ZFHX3: variants seen among roughly 807,000 people sequenced by gnomAD.
ZFHX3 encodes zinc finger homeobox protein 3.
In ZFHX3, 42 loss-of-function variants were observed where a neutral mutation model predicts 279.1. The observed-to-expected ratio is 0.15, with a 90% CI of 0.12 to 0.19. The LOEUF is 0.19. ZFHX3 is among the 10% of genes least tolerant of loss of function. ZFHX3 has a pLI of 1.00. For missense variants in ZFHX3, 4,981 were observed against 4,754.0 expected, an observed-to-expected ratio of 1.05 and a Z score of -1.40; for synonymous variants, 2,293 against 1,957.8, an observed-to-expected ratio of 1.17 and a Z score of -4.52.
At chr16:73,459,579 G>C (rs781731681) in intron 2 of ZFHX3, among the ~76,000 whole-genome samples, 1 of 152,140 alleles carries the variant, frequency 6.6e-6, no homozygotes, top group Admixed American at 6.5e-5. Context: ...TGTTGGCCAG[G>C]CTGGTCTCGA....
intron 3 of ZFHX3, among the ~76,000 whole-genome samples, chr16:73,349,948 C>A (rs1427265147): frequency 1.3e-5 from 2 of 149,118 alleles, no homozygotes; most frequent in African/African-American, 2.5e-5. Context: ...CCCCCCTTTC[C>A]ATGGATCCTT....
At chr16:73,457,335 C>T (rs1407087177) in intron 2 of ZFHX3, among the ~76,000 whole-genome samples, 1 of 152,162 alleles carries the variant, frequency 6.6e-6, no homozygotes, top group East Asian at 1.9e-4. Context: ...GGACAGTTTC[C>T]CCCATCGGTG....
At chr16:73,751,904 A>T (rs1302390129) in intron 1 of ZFHX3, among the ~76,000 whole-genome samples, 1 of 152,180 alleles carries the variant, frequency 6.6e-6, no homozygotes, top group Non-Finnish European at 1.5e-5. Context: ...TTATCTGGGG[A>T]AAGAATCTAC....
chr16:73,043,116 G>C (rs896020552), intron 1 of ZFHX3, among the ~76,000 whole-genome samples: 10 of 152,132 alleles, frequency 6.6e-5, no homozygotes, highest in African/African-American at 2.4e-4. Flanking sequence ...TCCAGGGAGG[G>C]AAAAGGATGG....
At chr16:73,029,447 C>A (rs762322969) in intron 1 of ZFHX3, among the ~76,000 whole-genome samples, 9 of 152,202 alleles carry the variant, frequency 5.9e-5, no homozygotes, top group South Asian at 2.1e-4. Flanking sequence ...TGGAGAAAAG[C>A]TGAGACCTCA....
chr16:73,464,723 C>A (rs527909749), intron 2 of ZFHX3, among the ~76,000 whole-genome samples: 13 of 152,304 alleles, frequency 8.5e-5, no homozygotes, highest in African/African-American at 2.2e-4. Flanking sequence ...CCTCAAATGC[C>A]GGCTGCCAAT....
chr16:73,218,323 C>A (rs1030793504), intron 5 of ZFHX3, among the ~76,000 whole-genome samples: 1 of 152,074 alleles, frequency 6.6e-6, no homozygotes, highest in South Asian at 2.1e-4. Flanking sequence ...AACAGAGATG[C>A]GATGATTAGT....
intron 2 of ZFHX3, among the ~76,000 whole-genome samples, chr16:73,678,657 G>A (rs8047490): frequency 0.21 from 31,354 of 151,946 alleles, 3,334 homozygotes; most frequent in Non-Finnish European, 0.22. Flanking sequence ...GTCTGGATAT[G>A]ACTCACCAAA....
intron 1 of ZFHX3, among the ~76,000 whole-genome samples, chr16:73,879,318 C>T (rs2030065726): frequency 6.6e-6 from 1 of 150,460 alleles, no homozygotes; most frequent in African/African-American, 2.4e-5. Flanking sequence ...CAGATCAAGC[C>T]CCCGGCTTCA....
chr16:72,851,390 A>G (rs573180605), intron 4 of ZFHX3, among the ~76,000 whole-genome samples: 226 of 152,310 alleles, frequency 1.5e-3, no homozygotes, highest in Middle Eastern at 0.01. Flanking sequence ...TCAGCCACTC[A>G]ACACCACGGC....
At position 72,964,814 on chromosome 16, in the gene ZFHX3, A is replaced by G. The variant is rs187708620; in HGVS notation, c.-49-4620T>C. Among the ~76,000 whole-genome samples the G allele has an allele frequency of 6.3e-4, 96 of 152,284 alleles. 1 individual carries two copies. The Middle Eastern group carries it at 0.01, about 16-fold the overall frequency. On this transcript the variant is annotated intron_variant, in intron 1 of 9. Coordinates refer to ENST00000268489, the MANE Select transcript of ZFHX3 (RefSeq NM_006885.4). ...GGAGATAGATACTATTTTTATCCCC[A>G]TTTTAGAAATGGGAAAACTGAGGTG...
chr16:73,780,176 C>G (rs1194411973), intron 1 of ZFHX3, among the ~76,000 whole-genome samples: 1 of 96,686 alleles, frequency 1.0e-5, no homozygotes, highest in Non-Finnish European at 2.0e-5. Flanking sequence ...GAGTCTTGCT[C>G]TATCCCCCAA....
chr16:72,957,866 T>A lies in ZFHX3; in HGVS notation c.2280A>T (p.Gly760=), dbSNP rs999279805. 9.9e-6 allele frequency: 16 copies of A among 1,613,848 alleles called. No individual in the cohort carries two copies. Among genetic ancestry groups the A allele is most frequent in the Admixed American group, 1.7e-5 (1 of 60,000 alleles). Residue 760 remains glycine (G), a synonymous_variant, in exon 2 of 10, where the codon GGA becomes GGT. Coordinates refer to ENST00000268489, the MANE Select transcript of ZFHX3 (RefSeq NM_006885.4). ...HLNNMQNLQN[G]GGEQVFSHTA... is the part of the protein sequence containing the mutation. ...TGTGGCTGAAGACCTGCTCCCCCCC[T>A]CCATTCTGCAGGTTCTGCATGTTGT...
chr16:73,249,074 G>T (rs112534660), intron 5 of ZFHX3, among the ~76,000 whole-genome samples: 3 of 152,150 alleles, frequency 2.0e-5, no homozygotes, highest in African/African-American at 7.2e-5. Flanking sequence ...TCAATAATAC[G>T]CCTCCTTTCC....
At chr16:73,864,766 G>A (rs1406968403) in intron 1 of ZFHX3, among the ~76,000 whole-genome samples, 1 of 148,796 alleles carries the variant, frequency 6.7e-6, no homozygotes, top group Non-Finnish European at 1.5e-5. Context: ...AGGTGGACTT[G>A]ACATAGCCTG....
At chr16:73,807,804 C>T (rs981504562) in intron 1 of ZFHX3, among the ~76,000 whole-genome samples, 1 of 151,840 alleles carries the variant, frequency 6.6e-6, no homozygotes, top group African/African-American at 2.4e-5. Flanking sequence ...GACATCCCAC[C>T]TACCCACCCA....
At chr16:73,677,495 A>G (rs1333506945) in intron 2 of ZFHX3, among the ~76,000 whole-genome samples, 1 of 151,892 alleles carries the variant, frequency 6.6e-6, no homozygotes, top group East Asian at 1.9e-4. Flanking sequence ...GGAAAACAGA[A>G]CAACTGGAAA....
At chr16:73,207,057 G>T (rs2011836063) in intron 5 of ZFHX3, among the ~76,000 whole-genome samples, 1 of 143,228 alleles carries the variant, frequency 7.0e-6, no homozygotes, top group East Asian at 2.0e-4. Flanking sequence ...TAAATAAATA[G>T]AACTAAAATA....
At chr16:73,036,159 C>G (rs1208993550) in intron 1 of ZFHX3, among the ~76,000 whole-genome samples, 1 of 152,222 alleles carries the variant, frequency 6.6e-6, no homozygotes, top group African/African-American at 2.4e-5. Flanking sequence ...CTGTCTCTCT[C>G]TCTCTCTACA....
Sources: allele counts gnomAD v4.1 joint callset (sites outside exome capture counted in the v4.1 genomes callset), GRCh38; gene constraint gnomAD v4.1.1; transcripts MANE v1.5; gene names NCBI Gene and HGNC (gene_info 2026-07-23, HGNC 2026-07-21).